Variants in CMKLR1 observed in about 807,000 individuals in gnomAD.
CMKLR1 encodes the protein chemerin chemokine-like receptor 1, also known as chemerin-like receptor 1.
A neutral mutation model predicts 8.2 loss-of-function variants in CMKLR1; 6 were observed. The observed-to-expected ratio is 0.73, with a 90% CI of 0.40 to 1.44. CMKLR1 has a LOEUF of 1.44. Ranked by LOEUF, CMKLR1 falls within the 40% of genes most tolerant of loss-of-function variation. The pLI is 0.02. For missense variants in CMKLR1, 429 were observed against 478.0 expected (o/e 0.90, Z 0.96); for synonymous variants, 178 against 181.2 (o/e 0.98, Z 0.14).
intron 2 of CMKLR1, among the ~76,000 whole-genome samples, chr12:108,296,027 G>T (rs367737280): frequency 1.3e-5 from 2 of 152,154 alleles, no homozygotes; most frequent in South Asian, 4.2e-4. Context: ...TTGGTGCATC[G>T]CCCCCACCCC....
At chr12:108,312,141 C>T (rs912454560) in intron 2 of CMKLR1, among the ~76,000 whole-genome samples, 25 of 152,178 alleles carry the variant, frequency 1.6e-4, no homozygotes, top group African/African-American at 5.6e-4. Context: ...ATCCATCTTC[C>T]CCCTGGCCTG....
intron 2 of CMKLR1, among the ~76,000 whole-genome samples, chr12:108,295,984 C>G (rs1056971031): frequency 6.6e-6 from 1 of 152,190 alleles, no homozygotes; most frequent in African/African-American, 2.4e-5. Flanking sequence ...AACTCCTCAT[C>G]CTTCCAGGAA....
At chr12:108,312,840 T>TG (rs1215189862) in intron 2 of CMKLR1, among the ~76,000 whole-genome samples, 1 of 152,104 alleles carries the variant, frequency 6.6e-6, no homozygotes, top group Non-Finnish European at 1.5e-5. Flanking sequence ...CTCACTGACT[T>TG]GGGGTACTTA....
Position 108,290,717 on chromosome 12 carries a change from T to A in CMKLR1, c.*1124A>T, listed in dbSNP as rs542019020. 1 of 152,182 alleles carries A rather than the reference T, an allele frequency of 6.6e-6. No homozygotes were observed. The allele number at this position is 152,182 out of a possible 1,614,324, so 9.4% of individuals were successfully genotyped here. A position where few individuals can be genotyped will look rare whatever the true frequency, so the allele number is the denominator to read the frequency against. On this transcript the variant is annotated 3_prime_UTR_variant, in exon 4 of 4. Transcript: ENST00000550402. ...ATGCCAGGCACCTGTATCCAGGAGG[T>A]ATTTGGTGTCTGCAGCTCAGAAACA...
chr12:108,319,939 A>C (rs1365481924), intron 2 of CMKLR1, among the ~76,000 whole-genome samples: 2 of 152,164 alleles, frequency 1.3e-5, no homozygotes, highest in Non-Finnish European at 2.9e-5. Context: ...TGGGAGATAG[A>C]ATACAAAGAT....
intron 2 of CMKLR1, among the ~76,000 whole-genome samples, chr12:108,326,105 T>C (rs1891977043): frequency 2.0e-5 from 3 of 152,162 alleles, no homozygotes; most frequent in African/African-American, 7.2e-5. Context: ...TTTTTTAAGA[T>C]AACCCAATTT....
intron 2 of CMKLR1, among the ~76,000 whole-genome samples, chr12:108,313,934 A>G (rs1891652424): frequency 6.6e-6 from 1 of 152,190 alleles, no homozygotes; most frequent in African/African-American, 2.4e-5. Flanking sequence ...CTCCCCAGGC[A>G]GCAGCCACTT....
At chr12:108,335,045 G>A (rs969690383) in intron 1 of CMKLR1, among the ~76,000 whole-genome samples, 12 of 152,116 alleles carry the variant, frequency 7.9e-5, no homozygotes, top group African/African-American at 2.2e-4. Flanking sequence ...CTTGAGGATA[G>A]GTGATGTTGT....
chr12:108,335,375 C>A (rs1027612592), intron 1 of CMKLR1, among the ~76,000 whole-genome samples: 3 of 152,186 alleles, frequency 2.0e-5, no homozygotes, highest in Non-Finnish European at 4.4e-5. Flanking sequence ...TCCATACTTT[C>A]TTTTGTCTTG....
At chr12:108,336,517 G>T (rs1234256580) in intron 1 of CMKLR1, among the ~76,000 whole-genome samples, 1 of 151,408 alleles carries the variant, frequency 6.6e-6, no homozygotes. Context: ...CTGTACTCCA[G>T]CCTGGGCGAC....
chr12:108,335,516 C>T (rs1011586960), intron 1 of CMKLR1, among the ~76,000 whole-genome samples: 5 of 152,236 alleles, frequency 3.3e-5, no homozygotes, highest in Non-Finnish European at 7.3e-5. Context: ...CTCTGCTTTG[C>T]TTCAGCCCTT....
At chr12:108,305,469 C>T (rs767049438) in intron 2 of CMKLR1, among the ~76,000 whole-genome samples, 46 of 152,192 alleles carry the variant, frequency 3.0e-4, no homozygotes, top group Non-Finnish European at 5.3e-4. Context: ...CCAGCCTCCC[C>T]CTGGCCTGGA....
In CMKLR1 at chr12:108,321,551, C is replaced by A. The variant is rs963849799; in HGVS notation, c.-74+8444G>T. Among the ~76,000 whole-genome samples the A allele has an allele frequency of 3.3e-5, 5 of 152,154 alleles. No individual in the cohort carries two copies. The South Asian group carries it at 6.2e-4, about 19-fold the overall frequency. ...TTCACGCGTCTGCGTCACTCACCACCCCCTAACTCTGACTCTGCTGGAGAG... is the reference window on the plus strand; with the variant it reads ...TTCACGCGTCTGCGTCACTCACCACACCCTAACTCTGACTCTGCTGGAGAG... On this transcript the variant is annotated intron_variant, in intron 2 of 3. Coordinates refer to ENST00000550402, the MANE Select transcript of CMKLR1 (RefSeq NM_001142343.2).
chr12:108,327,771 G>A (rs1462685060), intron 2 of CMKLR1, among the ~76,000 whole-genome samples: 8 of 152,194 alleles, frequency 5.3e-5, no homozygotes, highest in Non-Finnish European at 1.2e-4. Flanking sequence ...CCCTTCAGGC[G>A]GTGGAACCAA....
chr12:108,336,440 G>C (rs371387483), intron 1 of CMKLR1, among the ~76,000 whole-genome samples: 1 of 152,130 alleles, frequency 6.6e-6, no homozygotes, highest in Non-Finnish European at 1.5e-5. Context: ...CAGCTACTTG[G>C]GAGGCTGAGG....
rs1349133771 is a variant in CMKLR1 at position 108,292,435 on chromosome 12, G to A, written c.528C>T (p.Val176=). The A allele has an allele frequency of 1.9e-6, 3 of 1,614,190 alleles. No individual in the cohort carries two copies. Among genetic ancestry groups the A allele is most frequent in the African/African-American group, 2.7e-5 (2 of 75,036 alleles). ...LAFFLSSPSL[V]FRDTANLHGK... is the part of the protein sequence containing the mutation. ...CATGCAGGTTGGCTGTGTCCCGGAA[G>A]ACGAGAGATGGGGAACTCAAGAAGA... Residue 176 remains valine (V), a synonymous_variant, in exon 4 of 4, where the codon GTC becomes GTT. Transcript: ENST00000550402.
chr12:108,325,913 G>T (rs747521823), intron 2 of CMKLR1, among the ~76,000 whole-genome samples: 1 of 152,108 alleles, frequency 6.6e-6, no homozygotes, highest in Non-Finnish European at 1.5e-5. Flanking sequence ...AGGACCCCAG[G>T]CTCCTCATCC....
rs750460176 is a variant in CMKLR1, at chr12:108,289,015, T to C, written c.*2826A>G. ...CCAGGGCCAATTTGAGGTTTCAGTG[T>C]TTGTGCCTGAACCATCGTAGGTGCT... On this transcript the variant is annotated 3_prime_UTR_variant, in exon 4 of 4. Transcript: ENST00000550402. 4 of 148,980 alleles carry C rather than the reference T, an allele frequency of 2.7e-5. No individual in the cohort carries two copies. The highest frequency in any genetic ancestry group is 9.8e-5 in the African/African-American group (4 of 40,648). 9.2% of individuals were successfully genotyped at this position (148,980 alleles called of 1,614,324 possible).
intron 2 of CMKLR1, among the ~76,000 whole-genome samples, chr12:108,308,458 C>T (rs772336237): frequency 4.0e-5 from 6 of 151,840 alleles, no homozygotes; most frequent in East Asian, 1.9e-4. Context: ...TAGCCCCGCC[C>T]GGACCTCTCG....
Sources: allele counts gnomAD v4.1 joint callset (sites outside exome capture counted in the v4.1 genomes callset), GRCh38; gene constraint gnomAD v4.1.1; transcripts MANE v1.5; gene names NCBI Gene and HGNC (gene_info 2026-07-23, HGNC 2026-07-21).